Variants in SYNE1 observed in about 807,000 individuals in gnomAD.
The protein encoded by SYNE1 is spectrin repeat containing nuclear envelope protein 1.
In SYNE1, 616 loss-of-function variants were observed where a neutral mutation model predicts 1,111.0. The ratio of observed to expected loss-of-function variants is 0.55; its 90% CI spans 0.52 to 0.59. SYNE1 has a LOEUF of 0.59. Among genes scored for constraint, SYNE1 ranks in the 20% least tolerant of loss-of-function variants. The pLI is 0.00. For synonymous variants in SYNE1, 3,855 were observed against 3,825.8 expected (o/e 1.01, Z -0.28); for missense variants, 10,006 against 10,417.0 (o/e 0.96, Z 1.72).
intron 3 of SYNE1, among the ~76,000 whole-genome samples, chr6:152,545,589 T>C (rs2099308156): frequency 6.6e-6 from 1 of 152,088 alleles, no homozygotes; most frequent in African/African-American, 2.4e-5. Context: ...CAAAAATACA[T>C]AAATTAATTA....
chr6:152,433,919 G>A lies in SYNE1; in HGVS notation c.4337C>T (p.Thr1446Ile). 1 of 1,613,410 alleles carries A rather than the reference G, an allele frequency of 6.2e-7. No individual in the cohort carries two copies. Among genetic ancestry groups the A allele is most frequent in the Non-Finnish European group, 8.5e-7 (1 of 1,179,702 alleles). Residue 1446 changes from threonine (T) to isoleucine (I), a missense_variant, in exon 34 of 146, where the codon ACC becomes ATC. Physicochemically the swap from Thr to Ile is moderately conservative, Grantham distance 89. This residue lies in a region of SYNE1 where 1,971 missense variants were observed against 2,084.1 expected (regional missense o/e 0.95). Coordinates refer to ENST00000367255, the MANE Select transcript of SYNE1 (RefSeq NM_182961.4). ...EDIKTMEMVK[T>I]KWDHFGSNFE... Reference sequence around the variant, plus strand: ...ATTACTGCCAAAATGATCCCACTTGGTTTTCACCATTTCCATGGTTTTAAT... The same window carrying A: ...ATTACTGCCAAAATGATCCCACTTGATTTTCACCATTTCCATGGTTTTAAT...
At chr6:152,371,344 TCTC>T (rs1554568953) in intron 59 of SYNE1, among the ~76,000 whole-genome samples, 1 of 151,730 alleles carries the variant, frequency 6.6e-6, no homozygotes, top group Non-Finnish European at 1.5e-5. Flanking sequence ...GGCTCATACT[TCTC>T]CTTCCTGCCA....
chr6:152,242,111 A>G, intron 107 of SYNE1, 129 bp downstream of exon 107: 1 of 973,018 alleles, frequency 1.0e-6, no homozygotes, highest in Non-Finnish European at 1.6e-6. Flanking sequence ...GGCCATTTTT[A>G]AAGAATAACT....
At chr6:152,162,793 T>G (rs146191768) in intron 131 of SYNE1, among the ~76,000 whole-genome samples, 247 of 152,292 alleles carry the variant, frequency 1.6e-3, no homozygotes, top group Admixed American at 4.6e-3. Context: ...TCAAATTACC[T>G]CAGTTTGTTT....
intron 128 of SYNE1, among the ~76,000 whole-genome samples, chr6:152,187,257 C>T (rs181393043): frequency 2.0e-5 from 3 of 152,222 alleles, no homozygotes; most frequent in Admixed American, 1.3e-4. Context: ...TGTTGGCCCA[C>T]GGATTGAGAA....
chr6:152,430,209 A>G lies in SYNE1; in HGVS notation c.4691T>C (p.Ile1564Thr), dbSNP rs775123014. ...QQKFEENLRK[I>T]QQSVSEFEDK... ...TTCAAATTCAGACACAGATTGCTGGATCTAAAACATTGGTGCAATATAAAA... is the reference window on the plus strand; with the variant it reads ...TTCAAATTCAGACACAGATTGCTGGGTCTAAAACATTGGTGCAATATAAAA... The change falls in exon 36 of 146, where the codon ATC (isoleucine) becomes ACC (threonine). Residue 1564 changes from isoleucine to threonine, a missense_variant and splice_region_variant. Ile to Thr is a moderately conservative substitution (Grantham distance 89, BLOSUM62 -1). Transcript: ENST00000367255. 1 of 1,596,168 alleles carries G rather than the reference A, an allele frequency of 6.3e-7. No individual in the cohort carries two copies. Among genetic ancestry groups the G allele is most frequent in the Non-Finnish European group, 8.6e-7 (1 of 1,167,238 alleles).
chr6:152,206,992 G>A (rs1386113324), intron 125 of SYNE1, among the ~76,000 whole-genome samples: 2 of 152,136 alleles, frequency 1.3e-5, no homozygotes, highest in Admixed American at 6.5e-5. Context: ...TTTCATAAAA[G>A]CACTCAGGAA....
At chr6:152,466,549 G>A (rs6557226) in intron 16 of SYNE1, among the ~76,000 whole-genome samples, 78,902 of 151,876 alleles carry the variant, frequency 0.52, 22,240 homozygotes, top group East Asian at 0.76. Context: ...AAAGTCAGTA[G>A]AAAAATTGGA....
chr6:152,212,346 C>T lies in SYNE1; in HGVS notation c.22495-758G>A, dbSNP rs537756568. Among the ~76,000 whole-genome samples the T allele has an allele frequency of 3.9e-5, 6 of 152,278 alleles. No individual in the cohort carries two copies. In the South Asian group the frequency reaches 1.2e-3, roughly 32 times the overall value. On this transcript the variant is annotated intron_variant, in intron 123 of 145. Coordinates refer to ENST00000367255, the MANE Select transcript of SYNE1 (RefSeq NM_182961.4). ...TTTATGTCTCTATGAATTACTTACT[C>T]TGGACATTTCTTGTAAATGGAATCT...
chr6:152,326,270 A>C (rs1234856242), intron 79 of SYNE1, 26 bp downstream of exon 79: 1 of 1,613,854 alleles, frequency 6.2e-7, no homozygotes, highest in South Asian at 1.1e-5. Context: ...TCACTAAAAC[A>C]TAAAACACAA....
In SYNE1 at chr6:152,167,281, T is replaced by C. The variant is rs1183841703; in HGVS notation, c.23628-2956A>G. On this transcript the variant is annotated intron_variant, in intron 130 of 145. Coordinates refer to ENST00000367255, the MANE Select transcript of SYNE1 (RefSeq NM_182961.4). ...ACGTACTTACACATATATGCTTATATATCTATATATATTGTATCTATATTT... is the reference window on the plus strand; with the variant it reads ...ACGTACTTACACATATATGCTTATACATCTATATATATTGTATCTATATTT... Among the ~76,000 whole-genome samples, 4 of 152,190 alleles carry C rather than the reference T, an allele frequency of 2.6e-5. No homozygotes were observed. The East Asian group carries it at 5.8e-4, about 22-fold the overall frequency.
chr6:152,436,801 A>T (rs2098477796), intron 32 of SYNE1, among the ~76,000 whole-genome samples: 1 of 152,188 alleles, frequency 6.6e-6, no homozygotes, highest in Non-Finnish European at 1.5e-5. Flanking sequence ...GATCATAGAC[A>T]TAATAGATTT....
At chr6:152,546,552 C>G (rs996976402) in intron 3 of SYNE1, 4 of 152,280 alleles carry the variant, frequency 2.6e-5, no homozygotes. Context: ...TCTGAGACCT[C>G]TACACAAGGA....
chr6:152,143,953 A>C, intron 137 of SYNE1, 188 bp from the exon 138 acceptor site: 1 of 788,798 alleles, frequency 1.3e-6, no homozygotes. Context: ...CAAACCAATG[A>C]AGGTGCTTGA....
At chr6:152,416,323 A>G in intron 41 of SYNE1, 64 bp downstream of exon 41, 2 of 1,603,706 alleles carry the variant, frequency 1.2e-6, no homozygotes, top group Non-Finnish European at 1.7e-6. Context: ...GTTTTGCATA[A>G]AAGTTAATTC....
intron 131 of SYNE1, among the ~76,000 whole-genome samples, chr6:152,163,007 T>G (rs1489672280): frequency 6.6e-6 from 1 of 152,170 alleles, no homozygotes; most frequent in Non-Finnish European, 1.5e-5. Flanking sequence ...AACTATAAGA[T>G]TTTAAAAATA....
chr6:152,298,549 G>A (rs1275052303), intron 93 of SYNE1, among the ~76,000 whole-genome samples: 1 of 151,770 alleles, frequency 6.6e-6, no homozygotes, highest in Non-Finnish European at 1.5e-5. Flanking sequence ...TGCAGGAACA[G>A]CAGGCACAAA....
At chr6:152,221,294 C>T (rs1162324762) in intron 118 of SYNE1, 132 bp downstream of exon 118, 5 of 1,235,978 alleles carry the variant, frequency 4.0e-6, no homozygotes, top group Non-Finnish European at 5.7e-6. Flanking sequence ...TCCTTAAATT[C>T]ATGTTGTGAA....
chr6:152,530,162 T>A (rs966865997), intron 4 of SYNE1, among the ~76,000 whole-genome samples: 2 of 152,212 alleles, frequency 1.3e-5, no homozygotes, highest in Non-Finnish European at 1.5e-5. Context: ...GAACACAGCA[T>A]CTGAGCACCG....
Sources: gnomAD v4.1 joint callset for allele counts (sites outside exome capture counted in the v4.1 genomes callset) on GRCh38, gnomAD v4.1.1 for gene constraint, gnomAD v4.1.1 regional missense constraint, MANE v1.5 for transcripts, NCBI Gene and HGNC (gene_info 2026-07-23, HGNC 2026-07-21) for gene names.